Variants in OLFM2 observed in about 807,000 individuals in gnomAD.
OLFM2 encodes the protein noelin-2.
A neutral mutation model predicts 43.9 loss-of-function variants in OLFM2; 20 were observed. The observed-to-expected ratio is 0.46, with a 90% confidence interval of 0.32 to 0.66. The LOEUF (loss-of-function observed/expected upper bound fraction) is 0.66, where lower values mean the gene tolerates loss of function less well. Among genes scored for constraint, OLFM2 ranks in the 30% least tolerant of loss-of-function variants. The pLI, the probability that OLFM2 is intolerant of heterozygous loss-of-function variation, is 0.04. For synonymous variants in OLFM2, 268 were observed against 278.6 expected, an observed-to-expected ratio of 0.96 and a Z score of 0.38; for missense variants, 416 against 643.6, an observed-to-expected ratio of 0.65 and a Z score of 3.83.
At chr19:9,875,167 C>A (rs1335418453) in intron 1 of OLFM2, among the ~76,000 whole-genome samples, 4 of 152,188 alleles carry the variant, frequency 2.6e-5, no homozygotes, top group Non-Finnish European at 5.9e-5. Context: ...TCTTTGTAGA[C>A]ATCAAGGATT....
At chr19:9,927,375 C>T (rs2086460042) in intron 1 of OLFM2, among the ~76,000 whole-genome samples, 1 of 152,138 alleles carries the variant, frequency 6.6e-6, no homozygotes, top group Admixed American at 6.6e-5. Flanking sequence ...CCTTTTCAAG[C>T]TCACTTCCCT....
intron 1 of OLFM2, among the ~76,000 whole-genome samples, chr19:9,927,809 TA>T (rs1211552736): frequency 6.6e-6 from 1 of 152,182 alleles, no homozygotes; most frequent in East Asian, 1.9e-4. Context: ...CTCATGCCTG[TA>T]ATCCCAGCAC....
intron 1 of OLFM2, among the ~76,000 whole-genome samples, chr19:9,905,680 G>A (rs1336007009): frequency 6.6e-6 from 1 of 151,930 alleles, no homozygotes; most frequent in Admixed American, 6.6e-5. Flanking sequence ...AGTGCTGAAG[G>A]GGCCGGAAAG....
At chr19:9,874,213 T>C (rs1362107979) in intron 1 of OLFM2, among the ~76,000 whole-genome samples, 3 of 152,168 alleles carry the variant, frequency 2.0e-5, no homozygotes, top group African/African-American at 7.2e-5. Context: ...TTACACTCAG[T>C]GGTTATCACA....
At chr19:9,900,945 GGGAAGGAAGGAAGGAAGGAA>G (rs762692609) in intron 1 of OLFM2, among the ~76,000 whole-genome samples, 212 of 18,946 alleles carry the variant, frequency 0.011, 10 homozygotes, top group African/African-American at 0.051. Context: ...GGGAGGGAAG[GGGAAGGAAGGAAGGAAGGAA>G]GGAAGGAAGG....
chr19:9,903,729 TGGAATAGCCAGAGAATGTC>T (rs2046759969), intron 1 of OLFM2, among the ~76,000 whole-genome samples: 1 of 152,202 alleles, frequency 6.6e-6, no homozygotes, highest in South Asian at 2.1e-4. Context: ...CCTGGACTCC[TGGAATAGCCAGAGAATGTC>T]TGGCTATTTA....
rs527856182 is a variant in OLFM2, at chr19:9,882,246, G to GA, written c.64-21453dup. Among the ~76,000 whole-genome samples, 107 of 117,664 alleles carry GA rather than the reference G, an allele frequency of 9.1e-4. No homozygotes were observed. In the South Asian group the frequency reaches 0.014, roughly 15 times the overall value. 77.2% of individuals were successfully genotyped at this position (117,664 alleles called of 152,430 possible). ...CAGAGTGAGACCCTGTCTCAAAAAA[G>GA]AAAAAAAAAAGGCCAGGCGCGGTGG... On this transcript the variant is annotated intron_variant, in intron 1 of 5. Transcript: ENST00000264833.
At chr19:9,935,251 A>G (rs1476833776) in intron 1 of OLFM2, among the ~76,000 whole-genome samples, 1 of 152,182 alleles carries the variant, frequency 6.6e-6, no homozygotes, top group Non-Finnish European at 1.5e-5. Flanking sequence ...TGTTATCATA[A>G]TGACTATTTT....
intron 1 of OLFM2, among the ~76,000 whole-genome samples, chr19:9,926,516 C>T (rs1029925700): frequency 6.6e-6 from 1 of 152,078 alleles, no homozygotes; most frequent in Non-Finnish European, 1.5e-5. Flanking sequence ...CGCGCCACTG[C>T]ACTCCAGCCT....
chr19:9,913,402 C>T, intron 1 of OLFM2: 1 of 865,812 alleles, frequency 1.2e-6, no homozygotes, highest in Non-Finnish European at 1.4e-6. Context: ...AGGTGGGGGC[C>T]CCGGGGGCTG....
At chr19:9,878,801 G>A (rs530138354) in intron 1 of OLFM2, among the ~76,000 whole-genome samples, 7 of 152,268 alleles carry the variant, frequency 4.6e-5, no homozygotes, top group Admixed American at 3.9e-4. Flanking sequence ...CCACGATGCA[G>A]GGAAGCACAG....
At chr19:9,897,743 G>C (rs1266665022) in intron 1 of OLFM2, among the ~76,000 whole-genome samples, 1 of 152,048 alleles carries the variant, frequency 6.6e-6, no homozygotes, top group Admixed American at 6.6e-5. Context: ...CAGTGACCAA[G>C]ACAATTCAGG....
intron 1 of OLFM2, 36 bp from the exon 2 acceptor site, chr19:9,860,830 G>T: frequency 6.3e-7 from 1 of 1,583,414 alleles, no homozygotes; most frequent in South Asian, 1.1e-5. Context: ...CGGAATCCCA[G>T]TGAGGGTCTC....
chr19:9,882,886 G>T lies in OLFM2; in HGVS notation c.64-22092C>A, dbSNP rs1452101539. On this transcript the variant is annotated intron_variant, in intron 1 of 5. Coordinates refer to ENST00000264833, the MANE Select transcript of OLFM2 (RefSeq NM_058164.4). ...CATTCCAGCCTGGGGAACAGAGCAA[G>T]ACCCTATCTATTAAAAAAAATAAAA... Among the ~76,000 whole-genome samples, 3 of 150,640 alleles carry T rather than the reference G, an allele frequency of 2.0e-5. No homozygotes were observed. In the Admixed American group the frequency reaches 2.0e-4, roughly 10 times the overall value.
chr19:9,860,620 C>T (rs2046359419), intron 2 of OLFM2, 25 bp downstream of exon 2: 8 of 1,563,946 alleles, frequency 5.1e-6, no homozygotes, highest in Non-Finnish European at 6.9e-6. Context: ...CCCAGCTGCC[C>T]CCAGGGTACC....
intron 1 of OLFM2, among the ~76,000 whole-genome samples, chr19:9,914,762 G>T (rs1468948742): frequency 2.0e-5 from 3 of 152,060 alleles, no homozygotes; most frequent in African/African-American, 7.2e-5. Flanking sequence ...GCAGCCGCTG[G>T]GCCGCGGAGA....
chr19:9,880,529 T>A (rs2046530865), intron 1 of OLFM2, among the ~76,000 whole-genome samples: 1 of 152,086 alleles, frequency 6.6e-6, no homozygotes, highest in Admixed American at 6.6e-5. Context: ...ACCAGGTGTT[T>A]GAGGTTGCAG....
At chr19:9,888,109 G>C (rs1051183680) in intron 1 of OLFM2, among the ~76,000 whole-genome samples, 1 of 152,074 alleles carries the variant, frequency 6.6e-6, no homozygotes, top group Non-Finnish European at 1.5e-5. Context: ...CAGCCACACT[G>C]TTCCTGCAAA....
chr19:9,910,765 T>C (rs1423380769), intron 1 of OLFM2, among the ~76,000 whole-genome samples: 1 of 152,032 alleles, frequency 6.6e-6, no homozygotes, highest in African/African-American at 2.4e-5. Context: ...AGACAAATGA[T>C]GCATCATGGA....
Sources: gnomAD v4.1 joint callset for allele counts (sites outside exome capture counted in the v4.1 genomes callset) on GRCh38, gnomAD v4.1.1 for gene constraint, MANE v1.5 for transcripts, NCBI Gene and HGNC (gene_info 2026-07-23, HGNC 2026-07-21) for gene names.